PCDHA13: variants seen among roughly 807,000 people sequenced by gnomAD.
The protein encoded by PCDHA13 is protocadherin alpha 13.
PCDHA13 carries 54 observed loss-of-function variants against 64.8 expected under a neutral mutation model. The ratio of observed to expected loss-of-function variants is 0.83; its 90% CI spans 0.67 to 1.04. PCDHA13 has a LOEUF of 1.04. PCDHA13 is among the 50% of genes least tolerant of loss of function. The pLI, the probability that PCDHA13 is intolerant of heterozygous loss-of-function variation, is 0.00. For missense variants in PCDHA13, 1,248 were observed against 1,254.3 expected (o/e 0.99, Z 0.08); for synonymous variants, 587 against 564.4 (o/e 1.04, Z -0.57).
At chr5:140,934,163 G>A (rs2153618590) in intron 1 of PCDHA13, among the ~76,000 whole-genome samples, 1 of 152,110 alleles carries the variant, frequency 6.6e-6, no homozygotes, top group Non-Finnish European at 1.5e-5. Flanking sequence ...ATTTCAGTGT[G>A]CAACAGAAGT....
At chr5:140,894,365 A>G (rs1375287003) in intron 1 of PCDHA13, among the ~76,000 whole-genome samples, 4 of 151,966 alleles carry the variant, frequency 2.6e-5, no homozygotes, top group African/African-American at 7.2e-5. Context: ...TTCTTCTTCA[A>G]TGGCTCCAAT....
At chr5:140,916,327 A>G (rs1218792272) in intron 1 of PCDHA13, among the ~76,000 whole-genome samples, 5 of 152,226 alleles carry the variant, frequency 3.3e-5, no homozygotes, top group African/African-American at 1.2e-4. Context: ...AGTCCCCTTT[A>G]CTTTTTCCTC....
rs781805621 is a variant in PCDHA13 at position 140,882,336 on chromosome 5, C to A, written c.68C>A (p.Ala23Asp). 31 of 1,614,044 alleles carry A rather than the reference C, an allele frequency of 1.9e-5. No homozygotes were observed. The highest frequency in any genetic ancestry group is 2.5e-5 in the Non-Finnish European group (29 of 1,180,024). ...CTGCTCTGGCTTCTGATCCTCGCAGCCTGGGAGACGGGTAGTGGCCAGCTC... is the reference window on the plus strand; with the variant it reads ...CTGCTCTGGCTTCTGATCCTCGCAGACTGGGAGACGGGTAGTGGCCAGCTC... Reference protein sequence around the residue: ...QLLLWLLILAAWETGSGQLHY... With the variant: ...QLLLWLLILADWETGSGQLHY... Residue 23 changes from alanine (A) to aspartate (D), a missense_variant, in exon 1 of 4, where the codon GCC becomes GAC. Ala to Asp is a moderately radical substitution (Grantham distance 126, BLOSUM62 -2). Coordinates refer to ENST00000289272, the MANE Select transcript of PCDHA13 (RefSeq NM_018904.3).
intron 1 of PCDHA13, chr5:140,926,708 C>G (rs1554203635): frequency 2.2e-6 from 2 of 896,142 alleles, no homozygotes; most frequent in South Asian, 5.3e-5. Context: ...CCCAGCTGGC[C>G]AGCCCCGGCA....
At chr5:140,924,028 G>A (rs908427261) in intron 1 of PCDHA13, among the ~76,000 whole-genome samples, 2 of 152,158 alleles carry the variant, frequency 1.3e-5, no homozygotes, top group South Asian at 4.1e-4. Context: ...TGGAGGCATG[G>A]CTGCAGACCT....
At chr5:140,926,575 C>T in intron 1 of PCDHA13, 1 of 273,448 alleles carries the variant, frequency 3.7e-6, no homozygotes, top group Non-Finnish European at 6.8e-6. Flanking sequence ...CTGGAGACAG[C>T]ACCTCTCGCG....
At chr5:140,985,783 A>G (rs1587112463) in intron 3 of PCDHA13, among the ~76,000 whole-genome samples, 1 of 125,324 alleles carries the variant, frequency 8.0e-6, no homozygotes, top group Non-Finnish European at 1.6e-5. Context: ...TCTGTCGCCC[A>G]GGCTGGAGTG....
chr5:140,927,322 A>T (rs782465180), intron 1 of PCDHA13: 1 of 1,613,780 alleles, frequency 6.2e-7, no homozygotes, highest in Non-Finnish European at 8.5e-7. Flanking sequence ...AGCCCGCTTT[A>T]CTCTCCCGAA....
chr5:140,995,956 G>A (rs1480673532), intron 3 of PCDHA13, among the ~76,000 whole-genome samples: 1 of 152,214 alleles, frequency 6.6e-6, no homozygotes, highest in African/African-American at 2.4e-5. Flanking sequence ...CACGCAAAAT[G>A]CTTAGAACCA....
intron 1 of PCDHA13, chr5:140,927,032 C>T: frequency 6.2e-7 from 1 of 1,612,120 alleles, no homozygotes; most frequent in Non-Finnish European, 8.5e-7. Context: ...AGGCTGCCAG[C>T]GGCCGCTATG....
chr5:140,997,567 G>A (rs1163598467), intron 3 of PCDHA13, among the ~76,000 whole-genome samples: 1 of 152,130 alleles, frequency 6.6e-6, no homozygotes, highest in Non-Finnish European at 1.5e-5. Flanking sequence ...ACTGTCATAT[G>A]TGTGGTCCGT....
Position 140,884,364 on chromosome 5 carries a change from A to G in PCDHA13, c.2096A>G (p.Tyr699Cys). The change falls in exon 1 of 4, where the codon TAC becomes TGC. Residue 699 changes from tyrosine to cysteine, a missense_variant. Tyr to Cys is a radical substitution (Grantham distance 194). Coordinates refer to ENST00000289272, the MANE Select transcript of PCDHA13 (RefSeq NM_018904.3). Reference sequence around the variant, plus strand: ...GCGGCGCTGGTGGATGTCAATGTTTACTTGATCATTGCCATCTGCGCGGTG... The same window carrying G: ...GCGGCGCTGGTGGATGTCAATGTTTGCTTGATCATTGCCATCTGCGCGGTG... ...PEAALVDVNV[Y>C]LIIAICAVSS... 2 of 1,613,884 alleles carry G rather than the reference A, an allele frequency of 1.2e-6. No homozygotes were observed. Among genetic ancestry groups the G allele is most frequent in the Non-Finnish European group, 1.7e-6 (2 of 1,179,864 alleles).
chr5:140,931,088 A>G (rs1178910459), intron 1 of PCDHA13, among the ~76,000 whole-genome samples: 1 of 152,196 alleles, frequency 6.6e-6, no homozygotes, highest in African/African-American at 2.4e-5. Context: ...AGTTCTACAG[A>G]TGACAAAGGA....
chr5:140,961,878 C>A (rs2095639757), intron 1 of PCDHA13, among the ~76,000 whole-genome samples: 1 of 150,888 alleles, frequency 6.6e-6, no homozygotes, highest in Non-Finnish European at 1.5e-5. Context: ...AATTGACTTA[C>A]TTACATCAGT....
chr5:140,905,011 T>A (rs551000720), intron 1 of PCDHA13, among the ~76,000 whole-genome samples: 44 of 152,296 alleles, frequency 2.9e-4, no homozygotes, highest in African/African-American at 1.0e-3. Context: ...CTTTGCTAAT[T>A]CTTTTCTATG....
intron 1 of PCDHA13, among the ~76,000 whole-genome samples, chr5:140,942,323 T>C (rs1489572732): frequency 6.6e-6 from 1 of 151,970 alleles, no homozygotes; most frequent in Non-Finnish European, 1.5e-5. Flanking sequence ...GGCACAAGAA[T>C]CACTTGAACC....
At chr5:140,904,152 C>T (rs782254163) in intron 1 of PCDHA13, among the ~76,000 whole-genome samples, 16 of 152,024 alleles carry the variant, frequency 1.1e-4, no homozygotes, top group Non-Finnish European at 2.2e-4. Context: ...ATACATTGCA[C>T]CCAGTTTGTA....
chr5:140,967,156 G>T, intron 1 of PCDHA13: 1 of 1,610,540 alleles, frequency 6.2e-7, no homozygotes, highest in Non-Finnish European at 8.5e-7. Context: ...ACCCCGTGGC[G>T]GTGAGCGCCG....
chr5:140,967,251 CG>C, intron 1 of PCDHA13: 1 of 1,613,410 alleles, frequency 6.2e-7, no homozygotes, highest in Non-Finnish European at 8.5e-7. Flanking sequence ...GAATCGGTGG[CG>C]CCTGGAGCGC....
Sources: allele counts gnomAD v4.1 joint callset (sites outside exome capture counted in the v4.1 genomes callset), GRCh38; gene constraint gnomAD v4.1.1; transcripts MANE v1.5; gene names NCBI Gene and HGNC (gene_info 2026-07-23, HGNC 2026-07-21).